Variants in HMG20A observed in about 807,000 individuals in gnomAD.
HMG20A encodes high mobility group protein 20A.
HMG20A carries 17 observed loss-of-function variants against 43.9 expected under a neutral mutation model. That is an observed-to-expected ratio of 0.39 (90% CI 0.27 to 0.58). The LOEUF (loss-of-function observed/expected upper bound fraction) is 0.58, where lower values mean the gene tolerates loss of function less well. Ranked by LOEUF, HMG20A falls within the 20% of genes least tolerant of loss-of-function variation. HMG20A has a pLI of 0.59. For synonymous variants in HMG20A, 132 were observed against 147.5 expected, an observed-to-expected ratio of 0.89 and a Z score of 0.76; for missense variants, 341 against 438.2, an observed-to-expected ratio of 0.78 and a Z score of 1.98.
At chr15:77,434,266 G>A (rs980556532) in intron 1 of HMG20A, among the ~76,000 whole-genome samples, 9 of 152,080 alleles carry the variant, frequency 5.9e-5, no homozygotes, top group Admixed American at 5.9e-4. Flanking sequence ...AATTTAGGGA[G>A]AAACTGGAAA....
At chr15:77,456,605 G>A (rs1018737873) in intron 1 of HMG20A, among the ~76,000 whole-genome samples, 12 of 147,572 alleles carry the variant, frequency 8.1e-5, no homozygotes, top group Non-Finnish European at 1.3e-4. Flanking sequence ...ACCTGAACCT[G>A]GGAGGCGTGG....
At chr15:77,449,937 G>A (rs540287167) in intron 1 of HMG20A, among the ~76,000 whole-genome samples, 1 of 151,634 alleles carries the variant, frequency 6.6e-6, no homozygotes, top group Non-Finnish European at 1.5e-5. Flanking sequence ...TAAAAATGCC[G>A]TGTTCCACCT....
intron 1 of HMG20A, chr15:77,447,613 T>C (rs1056251007): frequency 6.6e-6 from 1 of 152,226 alleles, no homozygotes; most frequent in African/African-American, 2.4e-5. Flanking sequence ...CAAAAAAACA[T>C]GTACCATCAC....
the HMG20A span, among the ~76,000 whole-genome samples, chr15:77,493,962 C>G: frequency 6.6e-6 from 1 of 152,104 alleles, no homozygotes; most frequent in Non-Finnish European, 1.5e-5. Flanking sequence ...GCTTAAAAGG[C>G]GGGCCTGGAC....
intron 1 of HMG20A, among the ~76,000 whole-genome samples, chr15:77,439,780 T>G (rs2073591452): frequency 6.6e-6 from 1 of 152,168 alleles, no homozygotes; most frequent in African/African-American, 2.4e-5. Flanking sequence ...ATAGGATAGG[T>G]GTATTTTAAC....
At chr15:77,509,457 G>A in the HMG20A span, among the ~76,000 whole-genome samples, 1 of 151,756 alleles carries the variant, frequency 6.6e-6, no homozygotes, top group Non-Finnish European at 1.5e-5. Flanking sequence ...ATTACACCAT[G>A]TTGCTCAGGC....
intron 1 of HMG20A, among the ~76,000 whole-genome samples, chr15:77,424,258 C>T (rs2073402135): frequency 6.6e-6 from 1 of 152,202 alleles, no homozygotes; most frequent in East Asian, 1.9e-4. Flanking sequence ...GTTAAATATG[C>T]AGTCCCTTTC....
At chr15:77,470,169 C>T (rs912107357) in intron 4 of HMG20A, among the ~76,000 whole-genome samples, 2 of 152,154 alleles carry the variant, frequency 1.3e-5, no homozygotes, top group Non-Finnish European at 2.9e-5. Context: ...AAGTGTTTAA[C>T]ATAATTTCTG....
chr15:77,436,141 T>C (rs550361269), intron 1 of HMG20A, among the ~76,000 whole-genome samples: 2 of 152,358 alleles, frequency 1.3e-5, no homozygotes, highest in East Asian at 3.9e-4. Flanking sequence ...ATACTTTTTC[T>C]ACTTCTACAT....
chr15:77,428,977 A>AAT (rs71145829), intron 1 of HMG20A, among the ~76,000 whole-genome samples: 1 of 150,516 alleles, frequency 6.6e-6, no homozygotes, highest in Non-Finnish European at 1.5e-5. Context: ...AAAAAAAAAA[A>AAT]GGAGGGGGGA....
intron 1 of HMG20A, among the ~76,000 whole-genome samples, chr15:77,433,457 T>C (rs553467716): frequency 1.3e-5 from 2 of 151,820 alleles, no homozygotes; most frequent in Non-Finnish European, 2.9e-5. Flanking sequence ...AACTCTTCAA[T>C]AGAATACAAG....
Position 77,470,904 on chromosome 15 carries a change from T to TC in HMG20A, c.451-4dup. 6.4e-7 allele frequency: 1 copy of TC among 1,561,714 alleles called. No homozygotes were observed. The highest frequency in any genetic ancestry group is 8.6e-7 in the Non-Finnish European group (1 of 1,162,658). On this transcript the variant is annotated splice_polypyrimidine_tract_variant and splice_region_variant and intron_variant, in intron 4 of 9. Transcript: ENST00000336216. ...TCTTGAAAATAATTCTGTATTTCTTTCCTAGCGCTACCTTGATGAAGCAGA... is the reference window on the plus strand; with the variant it reads ...TCTTGAAAATAATTCTGTATTTCTTTCCCTAGCGCTACCTTGATGAAGCAGA...
At chr15:77,515,781 G>T in the HMG20A span, among the ~76,000 whole-genome samples, 1 of 152,220 alleles carries the variant, frequency 6.6e-6, no homozygotes, top group African/African-American at 2.4e-5. Context: ...TGGGAAACCT[G>T]AGACAGAGGT....
At chr15:77,422,001 A>C (rs1316379566) in intron 1 of HMG20A, among the ~76,000 whole-genome samples, 1 of 152,214 alleles carries the variant, frequency 6.6e-6, no homozygotes, top group Non-Finnish European at 1.5e-5. Flanking sequence ...AAAGGACAAA[A>C]GGTCAATAAG....
the HMG20A span, among the ~76,000 whole-genome samples, chr15:77,512,482 G>T: frequency 6.6e-6 from 1 of 152,044 alleles, no homozygotes; most frequent in Non-Finnish European, 1.5e-5. Context: ...ACTTGAAGAG[G>T]CTCCCAATGG....
At chr15:77,499,877 T>G in the HMG20A span, among the ~76,000 whole-genome samples, 11 of 151,760 alleles carry the variant, frequency 7.2e-5, no homozygotes, top group Non-Finnish European at 1.6e-4. Context: ...TCGCCCAGCC[T>G]GGAGTGCAGC....
chr15:77,435,182 A>G (rs2073532981), intron 1 of HMG20A, among the ~76,000 whole-genome samples: 1 of 152,106 alleles, frequency 6.6e-6, no homozygotes, highest in Non-Finnish European at 1.5e-5. Flanking sequence ...AAGGTAGGGG[A>G]TTTCTGCTTG....
intron 1 of HMG20A, among the ~76,000 whole-genome samples, chr15:77,455,518 A>G (rs1211871799): frequency 1.3e-5 from 2 of 151,852 alleles, no homozygotes; most frequent in African/African-American, 4.8e-5. Flanking sequence ...TCTAAGTGGC[A>G]AAGTAATATC....
At chr15:77,462,709 T>C (rs910639514) in intron 2 of HMG20A, among the ~76,000 whole-genome samples, 2 of 152,048 alleles carry the variant, frequency 1.3e-5, no homozygotes, top group Admixed American at 1.3e-4. Context: ...CTTTCACTAT[T>C]AAAGTCAATC....
Sources: gnomAD v4.1 joint callset for allele counts (sites outside exome capture counted in the v4.1 genomes callset) on GRCh38, gnomAD v4.1.1 for gene constraint, MANE v1.5 for transcripts, NCBI Gene and HGNC (gene_info 2026-07-23, HGNC 2026-07-21) for gene names.